Variants in TSPAN9 observed in about 807,000 individuals in gnomAD.
The protein encoded by TSPAN9 is tetraspanin 9.
Under a neutral mutation model 31.0 loss-of-function variants are expected in TSPAN9, and 16 were observed. The observed-to-expected ratio is 0.52, with a 90% CI of 0.35 to 0.78. TSPAN9 has a LOEUF of 0.78. Ranked by LOEUF, TSPAN9 falls within the 30% of genes least tolerant of loss-of-function variation. The pLI is 0.01. For missense variants in TSPAN9, 272 were observed against 312.5 expected, an observed-to-expected ratio of 0.87 and a Z score of 0.98; for synonymous variants, 145 against 121.6, an observed-to-expected ratio of 1.19 and a Z score of -1.27.
intron 3 of TSPAN9, among the ~76,000 whole-genome samples, chr12:3,245,432 C>CT (rs1862103821): frequency 6.6e-6 from 1 of 152,182 alleles, no homozygotes; most frequent in Non-Finnish European, 1.5e-5. Flanking sequence ...TCTCAGCCCC[C>CT]TTTTGTGTGC....
chr12:3,144,123 G>A (rs2098336101), intron 2 of TSPAN9, among the ~76,000 whole-genome samples: 1 of 151,658 alleles, frequency 6.6e-6, no homozygotes, highest in African/African-American at 2.4e-5. Context: ...TTACTCTTTT[G>A]AGACAGTCTT....
At chr12:3,275,270 C>T (rs999527768) in intron 3 of TSPAN9, among the ~76,000 whole-genome samples, 3 of 152,178 alleles carry the variant, frequency 2.0e-5, no homozygotes. Context: ...CAGTGGGAAA[C>T]CGCTTCAGGA....
chr12:3,208,135 C>T (rs2098376298), intron 3 of TSPAN9, among the ~76,000 whole-genome samples: 1 of 152,224 alleles, frequency 6.6e-6, no homozygotes, highest in African/African-American at 2.4e-5. Flanking sequence ...ACTGTCGCTC[C>T]TGCGGTGAGA....
chr12:3,096,341 C>T (rs1337685730), intron 2 of TSPAN9, among the ~76,000 whole-genome samples: 3 of 152,176 alleles, frequency 2.0e-5, no homozygotes, highest in Non-Finnish European at 2.9e-5. Flanking sequence ...AGAGAACTGA[C>T]TTACTGGCAT....
intron 3 of TSPAN9, among the ~76,000 whole-genome samples, chr12:3,276,185 A>C (rs1008745728): frequency 1.3e-5 from 2 of 152,104 alleles, no homozygotes; most frequent in African/African-American, 2.4e-5. Context: ...CACAAACCCA[A>C]GCCTAATCAC....
At chr12:3,120,212 C>T (rs1015918092) in intron 2 of TSPAN9, among the ~76,000 whole-genome samples, 1 of 152,168 alleles carries the variant, frequency 6.6e-6, no homozygotes, top group African/African-American at 2.4e-5. Flanking sequence ...ACTCCCTGAG[C>T]CCTCAAGCGT....
rs1285442836 is a variant in TSPAN9, at chr12:3,278,449, G to T, written c.92G>T (p.Gly31Val). 6.2e-7 allele frequency: 1 copy of T among 1,614,162 alleles called. No individual in the cohort carries two copies. Among genetic ancestry groups the T allele is most frequent in the South Asian group, 1.1e-5 (1 of 91,078 alleles). Residue 31 changes from glycine (G) to valine (V), a missense_variant, in exon 4 of 9, where the codon GGC becomes GTC. Gly to Val is a moderately radical substitution (Grantham distance 109). Transcript: ENST00000011898. ...WLCGCGLLGV[G>V]IWLSVSQGNF... is the part of the protein sequence containing the mutation. ...TGTGGCTGTGGGCTGCTGGGAGTGG[G>T]CATCTGGCTCTCCGTGTCCCAAGGC... is the stretch of plus-strand genomic sequence containing the variant.
chr12:3,162,739 C>T (rs958675486), intron 2 of TSPAN9, among the ~76,000 whole-genome samples: 6 of 152,188 alleles, frequency 3.9e-5, no homozygotes, highest in Non-Finnish European at 7.3e-5. Context: ...ATAGGTCCCC[C>T]GGGTAGATTT....
At chr12:3,215,811 G>A (rs1034910971) in intron 3 of TSPAN9, among the ~76,000 whole-genome samples, 1 of 152,064 alleles carries the variant, frequency 6.6e-6, no homozygotes, top group African/African-American at 2.4e-5. Flanking sequence ...AGTGGAGAAC[G>A]TAGGTTGGTC....
At chr12:3,246,679 C>T (rs150215441) in intron 3 of TSPAN9, among the ~76,000 whole-genome samples, 1 of 152,336 alleles carries the variant, frequency 6.6e-6, no homozygotes, top group East Asian at 1.9e-4. Context: ...CATTCCTGGG[C>T]CTAATAATAG....
At chr12:3,086,307 G>A (rs943849114) in intron 2 of TSPAN9, among the ~76,000 whole-genome samples, 4 of 147,764 alleles carry the variant, frequency 2.7e-5, no homozygotes, top group Admixed American at 1.4e-4. Flanking sequence ...ATTTCAACCC[G>A]ATACTTTGGA....
At position 3,077,432 on chromosome 12, in the gene TSPAN9, A is replaced by G. The variant is rs1010819277; in HGVS notation, c.-106A>G. The G allele has an allele frequency of 2.0e-5, 3 of 148,510 alleles. No homozygotes were observed. Among genetic ancestry groups the G allele is most frequent in the Non-Finnish European group, 3.0e-5 (2 of 67,206 alleles). The allele number at this position is 148,510 out of a possible 1,614,324, so 9.2% of individuals were successfully genotyped here. On this transcript the variant is annotated 5_prime_UTR_variant, in exon 1 of 9. Transcript: ENST00000011898. ...GTGCCGGAGCGCGAGCAGAGCGGAG[A>G]CCCCCAGGTCCTGCGGGCGCGGTGA...
At chr12:3,176,491 C>T (rs777756752) in intron 2 of TSPAN9, among the ~76,000 whole-genome samples, 16 of 152,216 alleles carry the variant, frequency 1.1e-4, no homozygotes, top group Non-Finnish European at 2.1e-4. Context: ...GTGCTGCCTG[C>T]CACCTTCTTT....
intron 2 of TSPAN9, among the ~76,000 whole-genome samples, chr12:3,110,230 G>A (rs1383656056): frequency 1.3e-5 from 2 of 152,150 alleles, no homozygotes; most frequent in Non-Finnish European, 2.9e-5. Flanking sequence ...CAGAGGCCAA[G>A]ACCCTGCCCT....
At chr12:3,186,546 T>TGTGTG (rs776372565) in intron 2 of TSPAN9, among the ~76,000 whole-genome samples, 2 of 135,860 alleles carry the variant, frequency 1.5e-5, no homozygotes, top group East Asian at 2.3e-4. Context: ...AGGAGTTTGT[T>TGTGTG]TGTGTGTGTG....
At chr12:3,214,416 C>CA (rs1409037675) in intron 3 of TSPAN9, among the ~76,000 whole-genome samples, 1 of 152,204 alleles carries the variant, frequency 6.6e-6, no homozygotes, top group African/African-American at 2.4e-5. Context: ...TTTGCCATTC[C>CA]TGGAGCTCAC....
intron 3 of TSPAN9, among the ~76,000 whole-genome samples, chr12:3,269,806 C>T (rs567372493): frequency 6.6e-6 from 1 of 152,366 alleles, no homozygotes; most frequent in South Asian, 2.1e-4. Flanking sequence ...CCCGCACCCC[C>T]TCTCGTGGCT....
chr12:3,248,104 A>G (rs1449651247), intron 3 of TSPAN9, among the ~76,000 whole-genome samples: 1 of 152,148 alleles, frequency 6.6e-6, no homozygotes, highest in Non-Finnish European at 1.5e-5. Context: ...CAGGGAGCTA[A>G]TGGCTCCCTG....
At chr12:3,117,680 T>C (rs1369717195) in intron 2 of TSPAN9, among the ~76,000 whole-genome samples, 2 of 152,202 alleles carry the variant, frequency 1.3e-5, no homozygotes, top group Non-Finnish European at 2.9e-5. Context: ...TGCTCCAGGC[T>C]GATTTACATA....
Sources: gnomAD v4.1 joint callset for allele counts (sites outside exome capture counted in the v4.1 genomes callset) on GRCh38, gnomAD v4.1.1 for gene constraint, MANE v1.5 for transcripts, NCBI Gene and HGNC (gene_info 2026-07-23, HGNC 2026-07-21) for gene names.